The following HIRA variants were observed in gnomAD, a reference collection of about 807,000 sequenced individuals.
HIRA encodes protein HIRA.
HIRA carries 13 observed loss-of-function variants against 126.6 expected under a neutral mutation model. The observed-to-expected ratio is 0.10, with a 90% CI of 0.07 to 0.16. The LOEUF is 0.16. HIRA is among the 10% of genes least tolerant of loss of function. The pLI, the probability that HIRA is intolerant of heterozygous loss-of-function variation, is 1.00. For missense variants in HIRA, 834 were observed against 1,314.4 expected (o/e 0.63, Z 5.65); for synonymous variants, 511 against 520.0 (o/e 0.98, Z 0.24).
intron 15 of HIRA, chr22:19,365,969 T>G (rs1312534146): frequency 6.6e-6 from 1 of 152,242 alleles, no homozygotes; most frequent in Non-Finnish European, 1.5e-5. Flanking sequence ...AAAACTCTTG[T>G]GTTGATAAGT....
intron 24 of HIRA, among the ~76,000 whole-genome samples, chr22:19,334,100 G>A (rs1163822785): frequency 1.3e-5 from 2 of 151,382 alleles, no homozygotes; most frequent in Non-Finnish European, 2.9e-5. Flanking sequence ...TCAGCCTCCC[G>A]AGTAGCTGGG....
In HIRA at chr22:19,387,678, G is replaced by A. The variant is rs372534632; in HGVS notation, c.1113+33C>T. 1.5e-5 allele frequency: 24 copies of A among 1,557,106 alleles called. No homozygotes were observed. In the African/African-American group the frequency reaches 3.1e-4, roughly 20 times the overall value. The stretch of plus-strand genomic sequence containing the variant: ...CAGAGCTATTGTGGCAATGGCCACA[G>A]AGCACCCAGCAGCACAAGAGCCGTC... On this transcript the variant is annotated intron_variant, in intron 11 of 24. Coordinates refer to ENST00000263208, the MANE Select transcript of HIRA (RefSeq NM_003325.4).
intron 24 of HIRA, among the ~76,000 whole-genome samples, chr22:19,340,842 A>G (rs931384493): frequency 3.9e-5 from 6 of 152,214 alleles, no homozygotes; most frequent in African/African-American, 1.4e-4. Flanking sequence ...AGAAAAACTG[A>G]AAAACTGATT....
At chr22:19,385,416 G>A (rs943147149) in intron 12 of HIRA, 105 bp downstream of exon 12, 13 of 1,118,120 alleles carry the variant, frequency 1.2e-5, no homozygotes, top group South Asian at 4.4e-5. Context: ...CACAGATCCC[G>A]TACCACTCTA....
chr22:19,346,279 G>A (rs1382352427), intron 24 of HIRA, among the ~76,000 whole-genome samples: 1 of 152,248 alleles, frequency 6.6e-6, no homozygotes, highest in East Asian at 1.9e-4. Context: ...CACTTTGGGA[G>A]GCTGAGGTGG....
chr22:19,399,140 G>T (rs1318392986), intron 5 of HIRA: 2 of 985,266 alleles, frequency 2.0e-6, no homozygotes, highest in African/African-American at 3.5e-5. Context: ...CTGCCATCAG[G>T]GGTGAAGGGC....
chr22:19,364,659 C>T (rs563186678), intron 15 of HIRA, among the ~76,000 whole-genome samples: 8 of 152,146 alleles, frequency 5.3e-5, no homozygotes, highest in Non-Finnish European at 5.9e-5. Context: ...CAATAAATGG[C>T]GTTTATGTTC....
At chr22:19,401,677 C>T (rs896266413) in intron 5 of HIRA, among the ~76,000 whole-genome samples, 3 of 152,190 alleles carry the variant, frequency 2.0e-5, no homozygotes, top group Non-Finnish European at 4.4e-5. Context: ...GGAAGCCATC[C>T]TGACTCCTCT....
intron 13 of HIRA, among the ~76,000 whole-genome samples, chr22:19,382,043 TG>T (rs1173085230): frequency 6.6e-6 from 1 of 152,256 alleles, no homozygotes; most frequent in African/African-American, 2.4e-5. Context: ...CTCATCTTTT[TG>T]ATTTGTCTAT....
chr22:19,366,723 G>A (rs1369096043), intron 15 of HIRA, among the ~76,000 whole-genome samples: 1 of 152,196 alleles, frequency 6.6e-6, no homozygotes, highest in Non-Finnish European at 1.5e-5. Flanking sequence ...GGAATCTCCT[G>A]GTGAAGATGC....
chr22:19,332,125 A>G (rs2088496098), intron 24 of HIRA, among the ~76,000 whole-genome samples: 1 of 152,226 alleles, frequency 6.6e-6, no homozygotes, highest in Non-Finnish European at 1.5e-5. Flanking sequence ...AGTCTGAAAC[A>G]AGCATTGCCA....
chr22:19,368,431 T>A (rs955874000), intron 15 of HIRA, among the ~76,000 whole-genome samples: 29 of 147,314 alleles, frequency 2.0e-4, no homozygotes, highest in African/African-American at 6.8e-4. Flanking sequence ...CTTTAAAAAT[T>A]TTTTTTTTTT....
At position 19,400,948 on chromosome 22, in the gene HIRA, C is replaced by T. The variant is rs563983279; in HGVS notation, c.398-2861G>A. On this transcript the variant is annotated intron_variant, in intron 5 of 24. Coordinates refer to ENST00000263208, the MANE Select transcript of HIRA (RefSeq NM_003325.4). ...TCACCCTCAGCTCCAACAGCACTTTCACGCCACCAGGAACTCCGATCTACT... is the reference window on the plus strand; with the variant it reads ...TCACCCTCAGCTCCAACAGCACTTTTACGCCACCAGGAACTCCGATCTACT... Among the ~76,000 whole-genome samples the T allele has an allele frequency of 1.2e-4, 18 of 152,266 alleles. No individual in the cohort carries two copies. The East Asian group carries it at 2.7e-3, about 23-fold the overall frequency.
intron 5 of HIRA, among the ~76,000 whole-genome samples, chr22:19,403,101 C>CAA (rs199777922): frequency 0.016 from 1,135 of 70,510 alleles, 20 homozygotes; most frequent in African/African-American, 0.037. Context: ...GACACAGTCT[C>CAA]AAAAAAAAAA....
chr22:19,337,780 T>C (rs2088582308), intron 24 of HIRA, among the ~76,000 whole-genome samples: 2 of 152,086 alleles, frequency 1.3e-5, no homozygotes, highest in South Asian at 2.1e-4. Flanking sequence ...AGGTAACCTA[T>C]ACACGAAAGC....
At chr22:19,373,739 T>C (rs2088989370) in intron 15 of HIRA, among the ~76,000 whole-genome samples, 1 of 152,124 alleles carries the variant, frequency 6.6e-6, no homozygotes, top group South Asian at 2.1e-4. Flanking sequence ...TCTTGTGCTG[T>C]CAGTTGGGTT....
chr22:19,424,854 A>T (rs2089476925), intron 1 of HIRA, among the ~76,000 whole-genome samples: 1 of 152,180 alleles, frequency 6.6e-6, no homozygotes, highest in Non-Finnish European at 1.5e-5. Context: ...GAGATAGGTC[A>T]GCTTCAGGGT....
chr22:19,390,960 GTTTT>G (rs113434072), intron 9 of HIRA, among the ~76,000 whole-genome samples: 1 of 145,392 alleles, frequency 6.9e-6, no homozygotes, highest in Non-Finnish European at 1.5e-5. Flanking sequence ...CTATTTTTTT[GTTTT>G]TTTTTTTAAT....
At chr22:19,362,545 ATTTATT>A (rs1474961952) in intron 15 of HIRA, among the ~76,000 whole-genome samples, 1 of 151,886 alleles carries the variant, frequency 6.6e-6, no homozygotes, top group Admixed American at 6.6e-5. Context: ...AGGAGAGAAA[ATTTATT>A]TTTATTTTAT....
Sources: allele counts gnomAD v4.1 joint callset (sites outside exome capture counted in the v4.1 genomes callset), GRCh38; gene constraint gnomAD v4.1.1; transcripts MANE v1.5; gene names NCBI Gene and HGNC (gene_info 2026-07-23, HGNC 2026-07-21).